ZNF536: variants seen among roughly 807,000 people sequenced by gnomAD.
ZNF536 encodes the protein zinc finger protein 536.
A neutral mutation model predicts 84.5 loss-of-function variants in ZNF536; 13 were observed. The observed-to-expected ratio is 0.15, with a 90% CI of 0.10 to 0.24. The LOEUF is 0.24. ZNF536 is among the 10% of genes least tolerant of loss of function. ZNF536 has a pLI of 1.00. For synonymous variants in ZNF536, 811 were observed against 742.5 expected, an observed-to-expected ratio of 1.09 and a Z score of -1.50; for missense variants, 1,536 against 1,747.5, an observed-to-expected ratio of 0.88 and a Z score of 2.16.
In ZNF536 at chr19:30,490,026, C is replaced by G. The variant is rs555994220; in HGVS notation, c.2170+44294C>G. 2.6e-5 allele frequency among the ~76,000 whole-genome samples: 4 copies of G among 152,358 alleles called. No individual in the cohort carries two copies. In the South Asian group the frequency reaches 8.3e-4, roughly 32 times the overall value. ...CAAGCATGTGCTTCAAACCTACATG[C>G]TTCCATTGAGATCCTCCTATGTACC... On this transcript the variant is annotated intron_variant, in intron 2 of 4. Coordinates refer to ENST00000355537, the MANE Select transcript of ZNF536 (RefSeq NM_014717.3).
rs2047490960 is a variant in ZNF536 at position 30,597,041 on chromosome 19, G to A, written c.169+47527G>A. On this transcript the variant is annotated intron_variant, in intron 1 of 1. Transcript: ENST00000592773. ...GCTTCCTGTGATGTTAAGTAAAAGA[G>A]GAGGGAACCTTTCAATTGTTACTTA... Among the ~76,000 whole-genome samples the A allele has an allele frequency of 2.0e-5, 3 of 152,160 alleles. No homozygotes were observed. The South Asian group carries it at 6.2e-4, about 32-fold the overall frequency.
rs201953748 is a variant in ZNF536 at position 30,702,129 on chromosome 19, C to G, written c.170-8628C>G. 3.6e-4 allele frequency among the ~76,000 whole-genome samples: 55 copies of G among 152,294 alleles called. No homozygotes were observed. The East Asian group carries it at 7.5e-3, about 21-fold the overall frequency. On this transcript the variant is annotated intron_variant, in intron 1 of 1. Transcript: ENST00000592773. ...TGCTGTAATGAATGGATGGCCCTCC[C>G]AAGGGCAGGCATTTTCTACTCCCCC... is the stretch of plus-strand genomic sequence containing the variant.
chr19:30,478,909 T>C (rs2053960193), intron 2 of ZNF536, among the ~76,000 whole-genome samples: 1 of 152,160 alleles, frequency 6.6e-6, no homozygotes, highest in Admixed American at 6.5e-5. Flanking sequence ...GGGCTCCCTC[T>C]CCTTTTGGAA....
At position 30,444,658 on chromosome 19, in the gene ZNF536, A is replaced by G. The variant is rs2148192647; in HGVS notation, c.1096A>G (p.Lys366Glu). The part of the protein sequence containing the change: ...QAWFLKGHMR[K>E]HKDSFEHCCQ... ...GTGGTTCCTCAAGGGTCACATGCGC[A>G]AGCACAAAGACTCCTTTGAGCACTG... The change falls in exon 2 of 5, where the codon AAG becomes GAG. Residue 366 changes from lysine to glutamate, a missense_variant. Transcript: ENST00000355537. 1 of 1,613,946 alleles carries G rather than the reference A, an allele frequency of 6.2e-7. No individual in the cohort carries two copies. The highest frequency in any genetic ancestry group is 8.5e-7 in the Non-Finnish European group (1 of 1,180,042).
chr19:30,659,535 G>A (rs1006580454), intron 1 of ZNF536, among the ~76,000 whole-genome samples: 2 of 152,060 alleles, frequency 1.3e-5, no homozygotes, highest in Admixed American at 6.6e-5. Flanking sequence ...AGAAAAAGAG[G>A]TTTAAAGGAC....
chr19:30,637,389 T>A (rs1292398492), intron 1 of ZNF536, among the ~76,000 whole-genome samples: 2 of 152,148 alleles, frequency 1.3e-5, no homozygotes, highest in Non-Finnish European at 2.9e-5. Flanking sequence ...CTTCTGTCCA[T>A]CCCCTGTGGA....
upstream of ZNF536, among the ~76,000 whole-genome samples, chr19:30,368,949 C>A (rs2048525271): frequency 1.3e-5 from 2 of 152,226 alleles, no homozygotes; most frequent in African/African-American, 4.8e-5. Flanking sequence ...TTTATACCAG[C>A]TTGTCTGTAG....
chr19:30,570,831 G>A (rs748408536), intron 1 of ZNF536, among the ~76,000 whole-genome samples: 6 of 152,152 alleles, frequency 3.9e-5, no homozygotes, highest in South Asian at 4.1e-4. Context: ...TGAAAATAGC[G>A]TTCGCTGCTG....
chr19:30,688,033 AG>A (rs753711145), intron 1 of ZNF536, among the ~76,000 whole-genome samples: 5,449 of 92,800 alleles, frequency 0.059, 172 homozygotes, highest in African/African-American at 0.12. Context: ...AAAAAAAAAA[AG>A]GGCAGGCAGC....
At chr19:30,657,801 G>A (rs573264457) in intron 1 of ZNF536, among the ~76,000 whole-genome samples, 1 of 152,250 alleles carries the variant, frequency 6.6e-6, no homozygotes, top group East Asian at 1.9e-4. Flanking sequence ...CCACCAGAAA[G>A]ACCTGTTAAT....
chr19:30,314,724 T>G (rs2046623175), intron 2 of ZNF536, among the ~76,000 whole-genome samples: 1 of 151,944 alleles, frequency 6.6e-6, no homozygotes, highest in Admixed American at 6.5e-5. Flanking sequence ...AGGTGTTGGG[T>G]AGGTGGTCCA....
At chr19:30,535,792 A>G (rs1170191957) in intron 3 of ZNF536, among the ~76,000 whole-genome samples, 1 of 151,988 alleles carries the variant, frequency 6.6e-6, no homozygotes, top group African/African-American at 2.4e-5. Context: ...CACTTTATCT[A>G]TTGGAGTATG....
chr19:30,319,013 G>A lies in ZNF536; in HGVS notation c.-119-33355G>A, dbSNP rs557247812. Among the ~76,000 whole-genome samples, 12 of 152,262 alleles carry A rather than the reference G, an allele frequency of 7.9e-5. No homozygotes were observed. In the South Asian group the frequency reaches 1.2e-3, roughly 16 times the overall value. ...TTCTTTGGCTGGATGGACATGAATC[G>A]GCTTTAGCAAGTGAATAGATGACAT... On this transcript the variant is annotated intron_variant, in intron 2 of 5. Coordinates refer to the ZNF536 transcript ENST00000585628.
At chr19:30,566,731 G>A (rs1263118559) in intron 1 of ZNF536, among the ~76,000 whole-genome samples, 10 of 151,756 alleles carry the variant, frequency 6.6e-5, no homozygotes, top group Admixed American at 3.3e-4. Context: ...TGGCCTTTCC[G>A]GACAGTGGAG....
intron 3 of ZNF536, among the ~76,000 whole-genome samples, chr19:30,544,209 G>T (rs1484788624): frequency 6.6e-6 from 1 of 152,140 alleles, no homozygotes; most frequent in East Asian, 1.9e-4. Context: ...TTAGCGACCC[G>T]GCAGGAGGTG....
intron 1 of ZNF536, among the ~76,000 whole-genome samples, chr19:30,670,132 C>A (rs886663761): frequency 2.0e-5 from 3 of 152,162 alleles, no homozygotes; most frequent in Admixed American, 6.5e-5. Context: ...CAGAAGCTGG[C>A]GGAAGGAGGG....
At chr19:30,464,974 G>A (rs1163285320) in intron 2 of ZNF536, among the ~76,000 whole-genome samples, 1 of 152,130 alleles carries the variant, frequency 6.6e-6, no homozygotes, top group Admixed American at 6.5e-5. Flanking sequence ...ACTGCCTGAT[G>A]AGAACTGGGG....
At chr19:30,374,634 G>C (rs942398692) in intron 1 of ZNF536, among the ~76,000 whole-genome samples, 5 of 152,250 alleles carry the variant, frequency 3.3e-5, no homozygotes, top group East Asian at 3.9e-4. Context: ...AAAGACAAAG[G>C]GGGTAATTTT....
chr19:30,591,913 A>T (rs773285728), intron 1 of ZNF536, among the ~76,000 whole-genome samples: 1 of 152,312 alleles, frequency 6.6e-6, no homozygotes, highest in Admixed American at 6.5e-5. Context: ...CTAGGTATGG[A>T]TATGTTTCTC....
Sources: allele counts gnomAD v4.1 joint callset (sites outside exome capture counted in the v4.1 genomes callset), GRCh38; gene constraint gnomAD v4.1.1; transcripts MANE v1.5; gene names NCBI Gene and HGNC (gene_info 2026-07-23, HGNC 2026-07-21).